RASAL2: variants seen among roughly 807,000 people sequenced by gnomAD.
RASAL2 encodes the protein ras GTPase-activating protein nGAP.
In RASAL2, 58 loss-of-function variants were observed where a neutral mutation model predicts 128.9. The observed-to-expected ratio is 0.45, with a 90% confidence interval of 0.36 to 0.56. The LOEUF is 0.56. Ranked by LOEUF, RASAL2 falls within the 20% of genes least tolerant of loss-of-function variation. RASAL2 has a pLI of 0.00. For missense variants in RASAL2, 1,360 were observed against 1,601.6 expected, an observed-to-expected ratio of 0.85 and a Z score of 2.57; for synonymous variants, 561 against 580.8, an observed-to-expected ratio of 0.97 and a Z score of 0.49.
At chr1:178,393,421 C>G (rs376922746) in intron 4 of RASAL2, among the ~76,000 whole-genome samples, 1 of 152,180 alleles carries the variant, frequency 6.6e-6, no homozygotes, top group Admixed American at 6.5e-5. Flanking sequence ...CCCTCGCATG[C>G]GCAGTTCACA....
chr1:178,221,790 T>C (rs1663621771), intron 1 of RASAL2, among the ~76,000 whole-genome samples: 1 of 152,218 alleles, frequency 6.6e-6, no homozygotes, highest in Admixed American at 6.5e-5. Context: ...GCCGGTGCTG[T>C]TGAGATCAAC....
Position 178,471,176 on chromosome 1 carries a change from G to A in RASAL2, c.3679-1899G>A, listed in dbSNP as rs1648234677. Among the ~76,000 whole-genome samples the A allele has an allele frequency of 2.0e-5, 3 of 151,862 alleles. No homozygotes were observed. In the South Asian group the frequency reaches 6.2e-4, roughly 32 times the overall value. On this transcript the variant is annotated intron_variant, in intron 17 of 17. Coordinates refer to ENST00000367649, the MANE Select transcript of RASAL2 (RefSeq NM_170692.4). ...TGGAGAATCCTAATTTCCTTATGAG[G>A]CCTTATAATTTATCCCAGTTCTGAA...
intron 1 of RASAL2, among the ~76,000 whole-genome samples, chr1:178,186,236 T>C (rs1187835921): frequency 2.0e-5 from 3 of 151,984 alleles, no homozygotes; most frequent in Middle Eastern, 3.2e-3. Context: ...TTTTTTTTTT[T>C]CTTCTGATAC....
chr1:178,463,864 C>T (rs565249686), intron 14 of RASAL2, among the ~76,000 whole-genome samples: 4 of 152,076 alleles, frequency 2.6e-5, no homozygotes, highest in African/African-American at 9.6e-5. Context: ...ATATTTTGAC[C>T]ATCAGGTTAT....
chr1:178,422,902 A>G lies in RASAL2; in HGVS notation c.674+2282A>G, dbSNP rs12080537. 9.8e-3 allele frequency among the ~76,000 whole-genome samples: 1,492 copies of G among 152,212 alleles called. 22 individuals are homozygous for G. Among genetic ancestry groups the G allele is most frequent in the African/African-American group, 0.034 (1,419 of 41,564 alleles). On this transcript the variant is annotated intron_variant, in intron 5 of 17. Transcript: ENST00000367649. Reference sequence around the variant, plus strand: ...GTTTTGGAGGGGGAAAAGTTTCAGTATATAAGTAAAGAGAAAAAGAACTAA... The same window carrying G: ...GTTTTGGAGGGGGAAAAGTTTCAGTGTATAAGTAAAGAGAAAAAGAACTAA...
chr1:178,327,643 T>C (rs1043862010), intron 3 of RASAL2, among the ~76,000 whole-genome samples: 4 of 152,210 alleles, frequency 2.6e-5, no homozygotes, highest in South Asian at 4.1e-4. Flanking sequence ...TGAGCCACTG[T>C]GCCCAGCCAC....
chr1:178,372,679 T>A (rs1426173714), intron 3 of RASAL2, among the ~76,000 whole-genome samples: 3 of 152,170 alleles, frequency 2.0e-5, no homozygotes, highest in Non-Finnish European at 4.4e-5. Context: ...TGAGGTGTGC[T>A]GTGTGAGAGT....
intron 3 of RASAL2, among the ~76,000 whole-genome samples, chr1:178,320,164 G>C (rs1232776589): frequency 1.3e-5 from 2 of 151,954 alleles, no homozygotes; most frequent in Non-Finnish European, 2.9e-5. Context: ...CAGATCTCCA[G>C]CTGCGTGCTG....
rs188389812 is a variant in RASAL2 at position 178,183,203 on chromosome 1, A to G, written c.202+88509A>G. On this transcript the variant is annotated intron_variant, in intron 1 of 17. Transcript: ENST00000367649. ...ACAGACTTCACTAGTTTCCAGGGTT[A>G]CTTAGGACAGCACCCTTTCCCACCC... 6.6e-5 allele frequency among the ~76,000 whole-genome samples: 10 copies of G among 152,316 alleles called. No individual in the cohort carries two copies. The East Asian group carries it at 1.7e-3, about 26-fold the overall frequency.
intron 1 of RASAL2, among the ~76,000 whole-genome samples, chr1:178,258,218 C>T (rs1416149278): frequency 6.9e-6 from 1 of 145,326 alleles, no homozygotes; most frequent in Non-Finnish European, 1.5e-5. Flanking sequence ...CACTTGAACC[C>T]GGGAGGTGGA....
chr1:178,175,471 T>TGTGTGTGTGA (rs777301625), intron 1 of RASAL2, among the ~76,000 whole-genome samples: 9 of 151,672 alleles, frequency 5.9e-5, no homozygotes, highest in African/African-American at 1.7e-4. Context: ...TGTGTGTGTG[T>TGTGTGTGTGA]GATAACTATG....
intron 4 of RASAL2, among the ~76,000 whole-genome samples, chr1:178,407,608 A>C (rs772356611): frequency 2.6e-5 from 4 of 152,142 alleles, no homozygotes; most frequent in African/African-American, 4.8e-5. Flanking sequence ...CATTTTGAGA[A>C]ATTGCCATTT....
chr1:178,243,034 G>T (rs1056430933), intron 1 of RASAL2, among the ~76,000 whole-genome samples: 1 of 151,936 alleles, frequency 6.6e-6, no homozygotes, highest in Non-Finnish European at 1.5e-5. Flanking sequence ...CTGGTTCTTG[G>T]TGTGTTGATT....
At chr1:178,385,052 T>G (rs1672484346) in intron 3 of RASAL2, among the ~76,000 whole-genome samples, 1 of 152,238 alleles carries the variant, frequency 6.6e-6, no homozygotes. Flanking sequence ...CGGAGTCTTT[T>G]GGAACCTAAC....
At chr1:178,230,875 C>T (rs1663980033) in intron 1 of RASAL2, among the ~76,000 whole-genome samples, 1 of 152,126 alleles carries the variant, frequency 6.6e-6, no homozygotes, top group African/African-American at 2.4e-5. Flanking sequence ...GGGTAGGCTG[C>T]CCGCATGCAC....
intron 12 of RASAL2, among the ~76,000 whole-genome samples, chr1:178,456,210 C>G (rs1023951631): frequency 6.6e-6 from 1 of 152,206 alleles, no homozygotes; most frequent in Admixed American, 6.5e-5. Flanking sequence ...CTGCAGTACT[C>G]TGGATTCCTG....
chr1:178,284,679 G>T (rs377442474), intron 2 of RASAL2, among the ~76,000 whole-genome samples: 2 of 152,014 alleles, frequency 1.3e-5, no homozygotes, highest in South Asian at 2.1e-4. Context: ...TTGATATTCT[G>T]ATCTGGTATG....
intron 5 of RASAL2, among the ~76,000 whole-genome samples, chr1:178,422,722 C>T (rs970672501): frequency 2.0e-5 from 3 of 152,096 alleles, no homozygotes; most frequent in African/African-American, 7.2e-5. Flanking sequence ...CTGCTGAAGT[C>T]AGCCACTTCT....
At chr1:178,394,966 C>T (rs535754130) in intron 4 of RASAL2, among the ~76,000 whole-genome samples, 13 of 152,264 alleles carry the variant, frequency 8.5e-5, no homozygotes, top group African/African-American at 2.9e-4. Context: ...TCTTAAGTAT[C>T]GAGATTATCA....
Sources: gnomAD v4.1 joint callset for allele counts (sites outside exome capture counted in the v4.1 genomes callset) on GRCh38, gnomAD v4.1.1 for gene constraint, MANE v1.5 for transcripts, NCBI Gene and HGNC (gene_info 2026-07-23, HGNC 2026-07-21) for gene names.